Variants in DOCK10 observed in about 807,000 individuals in gnomAD.
DOCK10 encodes dedicator of cytokinesis 10, also known as dedicator of cytokinesis protein 10.
Under a neutral mutation model 280.1 loss-of-function variants are expected in DOCK10, and 145 were observed. The ratio of observed to expected loss-of-function variants is 0.52; its 90% CI spans 0.45 to 0.59. The LOEUF is 0.59. Among genes scored for constraint, DOCK10 ranks in the 20% least tolerant of loss-of-function variants. DOCK10 has a pLI of 0.00. For synonymous variants in DOCK10, 915 were observed against 942.2 expected, an observed-to-expected ratio of 0.97 and a Z score of 0.53; for missense variants, 2,368 against 2,651.7, an observed-to-expected ratio of 0.89 and a Z score of 2.35.
chr2:224,985,334 A>T (rs572758507), intron 1 of DOCK10, among the ~76,000 whole-genome samples: 2 of 151,820 alleles, frequency 1.3e-5, no homozygotes, highest in African/African-American at 4.8e-5. Context: ...AAGTGTTGGA[A>T]GCTAGATTTC....
intron 2 of DOCK10, among the ~76,000 whole-genome samples, chr2:224,929,876 A>G (rs540123580): frequency 6.6e-6 from 1 of 152,224 alleles, no homozygotes; most frequent in Admixed American, 6.5e-5. Flanking sequence ...ATGCTCCTGG[A>G]TTCATGATTT....
intron 18 of DOCK10, 120 bp downstream of exon 18, chr2:224,852,253 AAAAC>A: frequency 1.4e-6 from 1 of 713,346 alleles, no homozygotes; most frequent in South Asian, 1.9e-5. Flanking sequence ...TTTCAGATCT[AAAAC>A]AAATGTATTA....
At chr2:224,806,102 G>A (rs983289575) in intron 34 of DOCK10, 24 bp downstream of exon 34, 2 of 1,371,988 alleles carry the variant, frequency 1.5e-6, no homozygotes, top group Non-Finnish European at 2.1e-6. Context: ...TTAAAAATAA[G>A]TGTTCTCAGA....
intron 28 of DOCK10, among the ~76,000 whole-genome samples, chr2:224,822,855 A>G (rs929920872): frequency 6.6e-6 from 1 of 152,200 alleles, no homozygotes; most frequent in South Asian, 2.1e-4. Context: ...GAAATGTCCA[A>G]GAGAATAATA....
intron 1 of DOCK10, among the ~76,000 whole-genome samples, chr2:224,953,683 T>C (rs751963557): frequency 3.3e-5 from 5 of 152,232 alleles, no homozygotes; most frequent in African/African-American, 4.8e-5. Flanking sequence ...CTGTGAAATA[T>C]AGGTTGGGGC....
At chr2:224,782,797 T>C (rs1265168414) in intron 50 of DOCK10, among the ~76,000 whole-genome samples, 2 of 152,208 alleles carry the variant, frequency 1.3e-5, no homozygotes, top group Non-Finnish European at 2.9e-5. Flanking sequence ...TTGCATATCA[T>C]ATTTCCATAA....
chr2:224,780,162 T>G (rs961017757), intron 50 of DOCK10, among the ~76,000 whole-genome samples: 3 of 152,222 alleles, frequency 2.0e-5, no homozygotes, highest in African/African-American at 7.2e-5. Flanking sequence ...TATAAATGCC[T>G]TGACCCCAAA....
intron 55 of DOCK10, among the ~76,000 whole-genome samples, chr2:224,769,867 G>A (rs1253208101): frequency 6.6e-6 from 1 of 152,166 alleles, no homozygotes. Context: ...GGGTTGTGAG[G>A]TCCTCAACTA....
At chr2:224,783,742 G>A (rs1386407272) in intron 50 of DOCK10, among the ~76,000 whole-genome samples, 2 of 151,038 alleles carry the variant, frequency 1.3e-5, no homozygotes, top group Non-Finnish European at 2.9e-5. Flanking sequence ...ATTTAGTACA[G>A]GGGTTTTCAA....
chr2:225,018,456 G>A (rs1406669052), intron 1 of DOCK10, among the ~76,000 whole-genome samples: 1 of 147,892 alleles, frequency 6.8e-6, no homozygotes, highest in Admixed American at 6.8e-5. Flanking sequence ...AAGGTGGAGA[G>A]GTTCTAGGCC....
At chr2:224,791,261 G>A (rs1336393452) in intron 47 of DOCK10, among the ~76,000 whole-genome samples, 1 of 152,156 alleles carries the variant, frequency 6.6e-6, no homozygotes, top group Non-Finnish European at 1.5e-5. Context: ...GGAAGGGCAT[G>A]TTAAATAAGG....
chr2:224,939,169 G>A (rs1488320818), intron 1 of DOCK10, among the ~76,000 whole-genome samples: 4 of 152,138 alleles, frequency 2.6e-5, no homozygotes, highest in African/African-American at 7.2e-5. Flanking sequence ...GGTGAAAGTC[G>A]GTAAAGCATA....
At chr2:224,917,525 G>A (rs1011396494) in intron 2 of DOCK10, among the ~76,000 whole-genome samples, 5 of 151,960 alleles carry the variant, frequency 3.3e-5, no homozygotes, top group East Asian at 1.9e-4. Flanking sequence ...GCGTGTGTGC[G>A]TGTGCCTGTG....
intron 1 of DOCK10, among the ~76,000 whole-genome samples, chr2:224,961,408 C>CTT (rs1559873054): frequency 3.5e-4 from 38 of 108,064 alleles, no homozygotes; most frequent in Admixed American, 6.0e-4. Flanking sequence ...TTCTTTCTTT[C>CTT]TTTCTCTTTC....
In DOCK10 at chr2:224,786,969, A is replaced by T; in HGVS notation, c.5655+53T>A. 1 of 1,311,928 alleles carries T rather than the reference A, an allele frequency of 7.6e-7. No individual in the cohort carries two copies. Among genetic ancestry groups the T allele is most frequent in the Non-Finnish European group, 1.1e-6 (1 of 904,236 alleles). 81.3% of individuals were successfully genotyped at this position (1,311,928 alleles called of 1,614,324 possible). A position where few individuals can be genotyped will look rare whatever the true frequency, so the allele number is the denominator to read the frequency against. On this transcript the variant is annotated intron_variant, in intron 50 of 55. Transcript: ENST00000258390. This position sits in a 1 kb window ranked among gnomAD's most constrained non-coding sequence, Gnocchi z 4.7. ...GATGTCTCATAAAGAATGAAAGACA[A>T]CATTCAACTGCTCAGCAGAATTTAT...
chr2:225,041,312 A>C (rs1011515984), intron 1 of DOCK10, among the ~76,000 whole-genome samples: 6 of 152,212 alleles, frequency 3.9e-5, no homozygotes, highest in Non-Finnish European at 8.8e-5. Context: ...CACCAAACGC[A>C]GGCCAAGAGC....
At chr2:224,851,568 C>G (rs1696744644) in intron 18 of DOCK10, among the ~76,000 whole-genome samples, 1 of 151,016 alleles carries the variant, frequency 6.6e-6, no homozygotes, top group Non-Finnish European at 1.5e-5. Flanking sequence ...AATTAGAGGA[C>G]TCAATTTGTA....
chr2:224,803,156 G>A (rs1461479850), intron 39 of DOCK10, among the ~76,000 whole-genome samples: 1 of 152,112 alleles, frequency 6.6e-6, no homozygotes, highest in Non-Finnish European at 1.5e-5. Context: ...GATGTCTCAG[G>A]AGCAGCCTGA....
intron 18 of DOCK10, among the ~76,000 whole-genome samples, chr2:224,851,830 G>GT (rs1477197543): frequency 8.5e-5 from 13 of 152,266 alleles, no homozygotes; most frequent in Admixed American, 3.3e-4. Flanking sequence ...TTTGTAGAGT[G>GT]AAACACCACA....
Sources: gnomAD v4.1 joint callset for allele counts (sites outside exome capture counted in the v4.1 genomes callset) on GRCh38, gnomAD v4.1.1 for gene constraint, Gnocchi (gnomAD v3.1) non-coding constraint, MANE v1.5 for transcripts, NCBI Gene and HGNC (gene_info 2026-07-23, HGNC 2026-07-21) for gene names.